UHRF2: variants seen among roughly 807,000 people sequenced by gnomAD.
The protein encoded by UHRF2 is E3 ubiquitin-protein ligase UHRF2.
In UHRF2, 23 loss-of-function variants were observed where a neutral mutation model predicts 96.8. The ratio of observed to expected loss-of-function variants is 0.24; its 90% CI spans 0.17 to 0.34. The LOEUF is 0.34. Among genes scored for constraint, UHRF2 ranks in the 10% least tolerant of loss-of-function variants. The probability of loss-of-function intolerance (pLI) is 1.00; values close to 1 mark genes in which losing one functional copy is unlikely to be tolerated. For missense variants in UHRF2, 685 were observed against 981.5 expected, an observed-to-expected ratio of 0.70 and a Z score of 4.04; for synonymous variants, 385 against 332.6, an observed-to-expected ratio of 1.16 and a Z score of -1.72.
intron 10 of UHRF2, chr9:6,495,929 A>G (rs768147008): frequency 2.6e-5 from 4 of 152,182 alleles, no homozygotes; most frequent in Admixed American, 6.5e-5. Flanking sequence ...AAGACGTAAT[A>G]GTAGCCCTAG....
At chr9:6,437,610 T>C (rs934979781) in intron 3 of UHRF2, among the ~76,000 whole-genome samples, 67 of 152,156 alleles carry the variant, frequency 4.4e-4, no homozygotes, top group African/African-American at 1.6e-3. Context: ...TAAATCTGTT[T>C]TGCTTTATTT....
At chr9:6,423,588 A>G (rs1437832607) in intron 2 of UHRF2, among the ~76,000 whole-genome samples, 1 of 152,050 alleles carries the variant, frequency 6.6e-6, no homozygotes, top group Admixed American at 6.5e-5. Flanking sequence ...AAACATATTA[A>G]TTTAAAATGT....
At chr9:6,448,111 C>T (rs1301140052) in intron 3 of UHRF2, among the ~76,000 whole-genome samples, 1 of 152,108 alleles carries the variant, frequency 6.6e-6, no homozygotes, top group African/African-American at 2.4e-5. Flanking sequence ...ACAATCTGGA[C>T]AAAGCAAGGT....
In UHRF2 at chr9:6,495,509, G is replaced by A. The variant is rs1413261737; in HGVS notation, c.1604+1577G>A. ...ACTCTTTGCCCAGTAGTGTATGGTT[G>A]AATTCATTTTTGCTTCTTTGCTAAG... On this transcript the variant is annotated intron_variant, in intron 10 of 15. Coordinates refer to ENST00000276893, the MANE Select transcript of UHRF2 (RefSeq NM_152896.3). The A allele has an allele frequency of 2.0e-5, 3 of 152,178 alleles. No homozygotes were observed. The East Asian group carries it at 5.8e-4, about 29-fold the overall frequency. 9.4% of individuals were successfully genotyped at this position (152,178 alleles called of 1,614,324 possible).
chr9:6,487,940 C>T (rs920681345), intron 9 of UHRF2, among the ~76,000 whole-genome samples: 9 of 151,902 alleles, frequency 5.9e-5, no homozygotes, highest in African/African-American at 2.2e-4. Context: ...TCACGTGTAG[C>T]ATTAGAAACA....
At chr9:6,457,948 G>A (rs1317377443) in intron 3 of UHRF2, among the ~76,000 whole-genome samples, 1 of 152,158 alleles carries the variant, frequency 6.6e-6, no homozygotes, top group African/African-American at 2.4e-5. Context: ...ATGTTCATAG[G>A]GATATTGGCC....
intron 4 of UHRF2, among the ~76,000 whole-genome samples, chr9:6,467,662 G>A (rs1022498836): frequency 1.6e-5 from 2 of 124,880 alleles, no homozygotes; most frequent in African/African-American, 3.2e-5. Flanking sequence ...TAAATTTGCT[G>A]TTGGGCTGAC....
intron 3 of UHRF2, among the ~76,000 whole-genome samples, chr9:6,438,643 A>C (rs1410765854): frequency 6.6e-6 from 1 of 152,194 alleles, no homozygotes; most frequent in Non-Finnish European, 1.5e-5. Context: ...ATTGTACATG[A>C]GATGAAAGAA....
At chr9:6,435,770 G>C (rs1308312189) in intron 3 of UHRF2, among the ~76,000 whole-genome samples, 2 of 151,998 alleles carry the variant, frequency 1.3e-5, no homozygotes, top group Non-Finnish European at 2.9e-5. Context: ...ACCACACCAG[G>C]CTAATTCTTC....
chr9:6,453,939 A>G (rs13291494), intron 3 of UHRF2, among the ~76,000 whole-genome samples: 4,758 of 152,256 alleles, frequency 0.031, 126 homozygotes, highest in Middle Eastern at 0.061. Context: ...GAAATGGAGA[A>G]GAGTAGAACT....
At chr9:6,479,309 C>T (rs544494918) in intron 6 of UHRF2, among the ~76,000 whole-genome samples, 1 of 152,124 alleles carries the variant, frequency 6.6e-6, no homozygotes, top group Non-Finnish European at 1.5e-5. Context: ...ACCTAAGGGT[C>T]AGTTCTCATT....
At chr9:6,456,095 C>T (rs1348920822) in intron 3 of UHRF2, among the ~76,000 whole-genome samples, 3 of 152,202 alleles carry the variant, frequency 2.0e-5, no homozygotes, top group Non-Finnish European at 4.4e-5. Flanking sequence ...AGCCAAGTTA[C>T]TGATAGAATT....
At position 6,434,181 on chromosome 9, in the gene UHRF2, C is replaced by T. The variant is rs766396361; in HGVS notation, c.644+8C>T. ...CCATATCCAGTATGATGAGTAAGTGCTCAAGCTATTGAGGACTTTATTCAT... is the reference window on the plus strand; with the variant it reads ...CCATATCCAGTATGATGAGTAAGTGTTCAAGCTATTGAGGACTTTATTCAT... On this transcript the variant is annotated splice_region_variant and intron_variant, in intron 3 of 15. Transcript: ENST00000276893. 6.2e-7 allele frequency: 1 copy of T among 1,605,652 alleles called. No homozygotes were observed. The highest frequency in any genetic ancestry group is 8.5e-7 in the Non-Finnish European group (1 of 1,174,438).
chr9:6,495,472 G>T (rs909629061), intron 10 of UHRF2: 4 of 152,206 alleles, frequency 2.6e-5, no homozygotes, highest in African/African-American at 9.7e-5. Flanking sequence ...ACTTTGCTCT[G>T]ACCCATAGTA....
intron 4 of UHRF2, among the ~76,000 whole-genome samples, chr9:6,466,785 A>G (rs1822886179): frequency 6.6e-6 from 1 of 152,214 alleles, no homozygotes; most frequent in Non-Finnish European, 1.5e-5. Context: ...TCACGCAAAC[A>G]TGCTCCTGCC....
chr9:6,467,316 C>G (rs1409030935), intron 4 of UHRF2, among the ~76,000 whole-genome samples: 1 of 152,178 alleles, frequency 6.6e-6, no homozygotes, highest in Non-Finnish European at 1.5e-5. Context: ...ATATTCTCTC[C>G]TCTGCCTCCC....
chr9:6,484,920 A>G (rs1342378468), intron 8 of UHRF2, among the ~76,000 whole-genome samples: 2 of 149,980 alleles, frequency 1.3e-5, no homozygotes, highest in Admixed American at 6.7e-5. Context: ...CAGCCTCCCA[A>G]GTAGCTGGTA....
At chr9:6,450,125 G>A (rs1456733355) in intron 3 of UHRF2, among the ~76,000 whole-genome samples, 3 of 152,158 alleles carry the variant, frequency 2.0e-5, no homozygotes, top group East Asian at 1.9e-4. Flanking sequence ...CATACAAAGT[G>A]TAACAACAAA....
At chr9:6,415,545 A>G (rs1030063139) in intron 1 of UHRF2, 6 of 152,250 alleles carry the variant, frequency 3.9e-5, no homozygotes, top group Non-Finnish European at 5.9e-5. Flanking sequence ...CTGGAATGGC[A>G]TCACAGAGAG....
Sources: gnomAD v4.1 joint callset for allele counts (sites outside exome capture counted in the v4.1 genomes callset) on GRCh38, gnomAD v4.1.1 for gene constraint, MANE v1.5 for transcripts, NCBI Gene and HGNC (gene_info 2026-07-23, HGNC 2026-07-21) for gene names.